The following STAB1 variants were observed in gnomAD, a reference collection of about 807,000 sequenced individuals.
STAB1 encodes the protein stabilin-1.
Under a neutral mutation model 332.4 loss-of-function variants are expected in STAB1, and 250 were observed. That is an observed-to-expected ratio of 0.75 (90% CI 0.68 to 0.84). STAB1 has a LOEUF of 0.84. Ranked by LOEUF, STAB1 falls within the 40% of genes least tolerant of loss-of-function variation. The pLI, the probability that STAB1 is intolerant of heterozygous loss-of-function variation, is 0.00. For missense variants in STAB1, 3,249 were observed against 3,489.7 expected, an observed-to-expected ratio of 0.93 and a Z score of 1.74; for synonymous variants, 1,475 against 1,390.4, an observed-to-expected ratio of 1.06 and a Z score of -1.35.
chr3:52,518,906 C>CCCCGCCCCACCCCGCCCCGCCCCGT, intron 48 of STAB1, 37 bp downstream of exon 48: 1 of 1,438,326 alleles, frequency 7.0e-7, no homozygotes, highest in Non-Finnish European at 9.1e-7. Context: ...CTCCATCCCG[C>CCCCGCCCCACCCCGCCCCGCCCCGT]CCCGCCCCGC....
rs747300898 is a variant in STAB1 at position 52,524,118 on chromosome 3, G to A, written c.7561G>A (p.Asp2521Asn). 8 of 1,613,608 alleles carry A rather than the reference G, an allele frequency of 5.0e-6. No homozygotes were observed. Among genetic ancestry groups the A allele is most frequent in the Admixed American group, 3.3e-5 (2 of 59,992 alleles). The change falls in exon 68 of 69, where the codon GAC becomes AAC. Residue 2521 changes from aspartate (D) to asparagine (N), a missense_variant. Physicochemically the swap from Asp to Asn is conservative, Grantham distance 23. Transcript: ENST00000321725. ...CTCCCAGGCGGAAGATGATGCTGAT[G>A]ACGACTTCTCACCGTGGCAAGAAGG... ...SAFQAEDDAD[D>N]DFSPWQEGTN... is the part of the protein sequence containing the mutation.
chr3:52,502,602 G>A, intron 5 of STAB1, 30 bp from the exon 6 acceptor site: 1 of 1,593,846 alleles, frequency 6.3e-7, no homozygotes, highest in Non-Finnish European at 8.6e-7. Context: ...AGAGGCTGGG[G>A]CCCCATCTGT....
intron 5 of STAB1, 130 bp downstream of exon 5, chr3:52,502,358 T>C: frequency 9.6e-7 from 1 of 1,044,010 alleles, no homozygotes. Context: ...CACATCCCTT[T>C]CAGGAACATG....
At chr3:52,507,776 T>C in intron 19 of STAB1, 101 bp downstream of exon 19, 1 of 1,525,688 alleles carries the variant, frequency 6.6e-7, no homozygotes, top group South Asian at 1.1e-5. Flanking sequence ...GCTGGGAGGC[T>C]AGATCACACC....
rs773333183 is a variant in STAB1 at position 52,504,128 on chromosome 3, C to A, written c.1123C>A (p.Gln375Lys). 1 of 1,591,462 alleles carries A rather than the reference C, an allele frequency of 6.3e-7. No homozygotes were observed. Among genetic ancestry groups the A allele is most frequent in the South Asian group, 1.1e-5 (1 of 88,090 alleles). The change falls in exon 10 of 69, where the codon CAG becomes AAG. Residue 375 changes from glutamine to lysine, a missense_variant. By Grantham distance (53) the Gln-to-Lys change is moderately conservative. Coordinates refer to ENST00000321725, the MANE Select transcript of STAB1 (RefSeq NM_015136.3). ...CACGCAGACAGGCCGGGTGTTCCTG[C>A]AGCTGAGGGTCGCCGTGGCCATGAT... Reference protein sequence around the residue: ...KATQTGRVFLQLRVAVAMMDQ... With the variant: ...KATQTGRVFLKLRVAVAMMDQ...
chr3:52,523,075 T>G lies in STAB1; in HGVS notation c.6961T>G (p.Cys2321Gly), dbSNP rs1357641104. The G allele has an allele frequency of 1.3e-6, 2 of 1,571,430 alleles. No individual in the cohort carries two copies. The highest frequency in any genetic ancestry group is 1.7e-6 in the Non-Finnish European group (2 of 1,156,894). Residue 2321 changes from cysteine (C) to glycine (G), a missense_variant, in exon 63 of 69, where the codon TGC (cysteine) becomes GGC (glycine). By Grantham distance (159) the Cys-to-Gly change is radical (BLOSUM62 -3). Transcript: ENST00000321725. The stretch of plus-strand genomic sequence containing the variant: ...CTTCGTGGGTGACGGGATCAGCACG[T>G]GCAATGGGAAGCTGCTGGATGTGCT... Reference protein sequence around the residue: ...NGFVGDGISTCNGKLLDVLAA... With the variant: ...NGFVGDGISTGNGKLLDVLAA...
At chr3:52,513,333 T>C in intron 30 of STAB1, 92 bp downstream of exon 30, 1 of 1,265,092 alleles carries the variant, frequency 7.9e-7, no homozygotes, top group Non-Finnish European at 1.1e-6. Flanking sequence ...AGGGGCCCCA[T>C]GGGATGAGAT....
intron 11 of STAB1, 83 bp from the exon 12 acceptor site, chr3:52,504,656 C>T: frequency 1.2e-6 from 2 of 1,612,160 alleles, no homozygotes; most frequent in Non-Finnish European, 1.7e-6. Flanking sequence ...TGGGATGCAT[C>T]CTGTCCCCTC....
At position 52,517,884 on chromosome 3, in the gene STAB1, A is replaced by G; in HGVS notation, c.4642A>G (p.Asn1548Asp). The change falls in exon 45 of 69, where the codon AAT (asparagine) becomes GAT (aspartate). Residue 1548 changes from asparagine to aspartate, a missense_variant. Physicochemically the swap from Asn to Asp is conservative, Grantham distance 23. Transcript: ENST00000321725. Reference sequence around the variant, plus strand: ...TCCTCTCCTGTCCCTGACTCAGAACAATGGAGGATGCAGCCCATATGCCAC... The same window carrying G: ...TCCTCTCCTGTCCCTGACTCAGAACGATGGAGGATGCAGCCCATATGCCAC... ...CELLDPCSKN[N>D]GGCSPYATCK... 1.2e-6 allele frequency: 2 copies of G among 1,612,270 alleles called. No homozygotes were observed. The highest frequency in any genetic ancestry group is 1.7e-6 in the Non-Finnish European group (2 of 1,179,754).
chr3:52,510,259 G>A, intron 24 of STAB1, 24 bp downstream of exon 24: 1 of 1,614,000 alleles, frequency 6.2e-7, no homozygotes, highest in Non-Finnish European at 8.5e-7. Flanking sequence ...CTCCTTCCCT[G>A]AAGTTCTGAC....
At position 52,505,125 on chromosome 3, in the gene STAB1, G is replaced by A. The variant is rs768976880; in HGVS notation, c.1500G>A (p.Gly500=). The A allele has an allele frequency of 5.6e-6, 9 of 1,613,056 alleles. No homozygotes were observed. The South Asian group carries it at 7.7e-5, about 14-fold the overall frequency. ...VTGLRWQAPS[G]TPGDPKRTIG... Reference sequence around the variant, plus strand: ...GCCTGCGGTGGCAGGCCCCCTCTGGGACCCCTGGGGATCCCAAGGTGAGCC... The same window carrying A: ...GCCTGCGGTGGCAGGCCCCCTCTGGAACCCCTGGGGATCCCAAGGTGAGCC... The change falls in exon 13 of 69, where the codon GGG becomes GGA. Residue 500 remains glycine (G), a synonymous_variant. Transcript: ENST00000321725.
In STAB1 at chr3:52,520,847, C is replaced by T. The variant is rs139440164; in HGVS notation, c.5750C>T (p.Thr1917Met). The T allele has an allele frequency of 9.9e-5, 159 of 1,612,684 alleles. No individual in the cohort carries two copies. Among genetic ancestry groups the T allele is most frequent in the African/African-American group, 4.7e-4 (35 of 74,952 alleles). The change falls in exon 55 of 69, where the codon ACG (threonine) becomes ATG (methionine). Residue 1917 changes from threonine (T) to methionine (M), a missense_variant. Thr to Met is a moderately conservative substitution (Grantham distance 81, BLOSUM62 -1). Coordinates refer to ENST00000321725, the MANE Select transcript of STAB1 (RefSeq NM_015136.3). ...ACWRFYPKFW[T>M]SPPLHSLGLR... ...TGGCGCTTCTACCCGAAGTTCTGGA[C>T]GTCCCCTCCGCTGCACTCTTTGGGA...
At position 52,505,795 on chromosome 3, in the gene STAB1, G is replaced by C. The variant is rs1392335016; in HGVS notation, c.1695+14G>C. The C allele has an allele frequency of 1.2e-6, 2 of 1,613,730 alleles. No individual in the cohort carries two copies. The highest frequency in any genetic ancestry group is 3.3e-5 in the Admixed American group (2 of 60,004). Reference sequence around the variant, plus strand: ...CTCTTCACAGCGGTAAGCTCAGCGGGAGAAGGGGCTGCGGGTATGGGGGCA... The same window carrying C: ...CTCTTCACAGCGGTAAGCTCAGCGGCAGAAGGGGCTGCGGGTATGGGGGCA... On this transcript the variant is annotated intron_variant, in intron 15 of 68. Transcript: ENST00000321725.
At chr3:52,495,613 T>A in intron 1 of STAB1, 122 bp downstream of exon 1, 1 of 924,330 alleles carries the variant, frequency 1.1e-6, no homozygotes. Flanking sequence ...GGCGCCTGTC[T>A]GGCCTCTTAG....
chr3:52,511,316 C>T (rs1165645659), intron 25 of STAB1, among the ~76,000 whole-genome samples: 1 of 152,184 alleles, frequency 6.6e-6, no homozygotes, highest in East Asian at 1.9e-4. Context: ...TATCCTGGGG[C>T]TGGCCTTGGC....
chr3:52,509,000 C>T (rs980205412), intron 21 of STAB1, among the ~76,000 whole-genome samples: 1 of 152,136 alleles, frequency 6.6e-6, no homozygotes, highest in Non-Finnish European at 1.5e-5. Flanking sequence ...TTTCTGCATC[C>T]AGCAAATGTT....
chr3:52,495,483 AG>A lies in STAB1; in HGVS notation c.75del (p.Gln26ArgfsTer9). Reference sequence around the variant, plus strand: ...CTGCCTGGCAGGCTTCAGCTTCGTCAGGGGGCAGGTAAGTGTGAGCCAGTCG... The same window carrying A: ...CTGCCTGGCAGGCTTCAGCTTCGTCAGGGGCAGGTAAGTGTGAGCCAGTCG... ...AFCLAGFSFV[R>X]GQVLFKGCDV... On this transcript the variant is annotated frameshift_variant, in exon 1 of 69. Transcript: ENST00000321725. LOFTEE classifies it high-confidence loss of function. The A allele has an allele frequency of 1.5e-6, 2 of 1,338,924 alleles. No homozygotes were observed. Among genetic ancestry groups the A allele is most frequent in the Non-Finnish European group, 1.9e-6 (2 of 1,037,478 alleles). 82.9% of individuals were successfully genotyped at this position (1,338,924 alleles called of 1,614,324 possible). A position where few individuals can be genotyped will look rare whatever the true frequency, so the allele number is the denominator to read the frequency against.
chr3:52,500,277 C>T (rs929792174), intron 1 of STAB1, among the ~76,000 whole-genome samples: 11 of 152,210 alleles, frequency 7.2e-5, no homozygotes, highest in Non-Finnish European at 1.2e-4. Flanking sequence ...TGTCCTTGAC[C>T]AATTCTCATG....
chr3:52,513,352 C>T, intron 30 of STAB1, 111 bp downstream of exon 30: 1 of 1,018,190 alleles, frequency 9.8e-7, no homozygotes, highest in Non-Finnish European at 1.4e-6. Context: ...ATTGGGGTCC[C>T]CTCGCCCTGC....
Sources: allele counts gnomAD v4.1 joint callset (sites outside exome capture counted in the v4.1 genomes callset), GRCh38; gene constraint gnomAD v4.1.1; transcripts MANE v1.5; gene names NCBI Gene and HGNC (gene_info 2026-07-23, HGNC 2026-07-21).